Variants in SAMD5 observed in about 807,000 individuals in gnomAD.
SAMD5 encodes sterile alpha motif domain-containing protein 5.
In SAMD5, 13 loss-of-function variants were observed where a neutral mutation model predicts 11.3. The observed-to-expected ratio is 1.15, with a 90% CI of 0.75 to 1.83. SAMD5 has a LOEUF of 1.83. Among genes scored for constraint, SAMD5 ranks in the 40% most tolerant of loss-of-function variants. The pLI, the probability that SAMD5 is intolerant of heterozygous loss-of-function variation, is 0.00. For missense variants in SAMD5, 255 were observed against 239.1 expected (o/e 1.07, Z -0.44); for synonymous variants, 129 against 111.3 (o/e 1.16, Z -1.00).
At chr6:147,810,253 A>G in the SAMD5 span, among the ~76,000 whole-genome samples, 6,928 of 152,282 alleles carry the variant, frequency 0.045, 184 homozygotes, top group African/African-American at 0.062. Context: ...TAGTATCAGT[A>G]TCTTTATCAT....
At chr6:147,725,422 T>C (rs538695133) in intron 1 of SAMD5, among the ~76,000 whole-genome samples, 1 of 147,966 alleles carries the variant, frequency 6.8e-6, no homozygotes, top group East Asian at 2.0e-4. Flanking sequence ...CGAGTCTAGC[T>C]CTGTCACCCA....
At chr6:147,710,823 T>C (rs1032765638) in intron 1 of SAMD5, among the ~76,000 whole-genome samples, 2 of 142,896 alleles carry the variant, frequency 1.4e-5, no homozygotes, top group African/African-American at 2.6e-5. Context: ...GTATCCCCCC[T>C]GGATAAGGGG....
chr6:147,554,864 T>C (rs1012218725), intron 1 of SAMD5, among the ~76,000 whole-genome samples: 4 of 152,170 alleles, frequency 2.6e-5, no homozygotes, highest in African/African-American at 9.7e-5. Context: ...AGAGCAGTAG[T>C]TCTCAAAGTG....
the SAMD5 span, among the ~76,000 whole-genome samples, chr6:147,878,734 A>G: frequency 6.6e-6 from 1 of 151,442 alleles, no homozygotes; most frequent in Non-Finnish European, 1.5e-5. Context: ...ATCTATATAT[A>G]GGTCCTATTT....
chr6:147,749,228 G>C, the SAMD5 span, among the ~76,000 whole-genome samples: 1 of 150,272 alleles, frequency 6.7e-6, no homozygotes, highest in African/African-American at 2.5e-5. Context: ...GGAGTACAGT[G>C]GTGTGATCTT....
chr6:147,625,792 G>A (rs1354738892), intron 1 of SAMD5, among the ~76,000 whole-genome samples: 1 of 152,188 alleles, frequency 6.6e-6, no homozygotes, highest in Admixed American at 6.5e-5. Flanking sequence ...TTACTATCTG[G>A]TTCTTTAGAG....
intron 1 of SAMD5, among the ~76,000 whole-genome samples, chr6:147,597,580 G>A (rs913770413): frequency 6.6e-6 from 1 of 152,076 alleles, no homozygotes; most frequent in Non-Finnish European, 1.5e-5. Flanking sequence ...ATTAAACATG[G>A]CAGTTGAAAA....
At chr6:147,552,130 T>C (rs1056288585) in intron 1 of SAMD5, among the ~76,000 whole-genome samples, 5 of 152,208 alleles carry the variant, frequency 3.3e-5, no homozygotes, top group African/African-American at 9.6e-5. Flanking sequence ...AGGGATTATC[T>C]GTGTTCTTTG....
chr6:147,683,941 C>T (rs1790974098), intron 1 of SAMD5, among the ~76,000 whole-genome samples: 6 of 152,102 alleles, frequency 3.9e-5, no homozygotes, highest in Admixed American at 3.9e-4. Context: ...TTATTCTTTG[C>T]TTTAATTTTT....
chr6:147,648,622 A>C (rs887058358), intron 1 of SAMD5, among the ~76,000 whole-genome samples: 1 of 152,200 alleles, frequency 6.6e-6, no homozygotes, highest in African/African-American at 2.4e-5. Context: ...AAAACTCTGA[A>C]AGAGATATAA....
the SAMD5 span, among the ~76,000 whole-genome samples, chr6:147,816,281 C>CAAAAAAAAAAAA: frequency 3.6e-5 from 1 of 27,838 alleles, no homozygotes; most frequent in African/African-American, 1.6e-4. Flanking sequence ...ACTCCGTCTC[C>CAAAAAAAAAAAA]AAAAAAAAAA....
the SAMD5 span, among the ~76,000 whole-genome samples, chr6:147,865,313 A>AGTGTGT: frequency 6.8e-5 from 10 of 147,280 alleles, no homozygotes; most frequent in East Asian, 1.6e-3. Flanking sequence ...TAGGTATATA[A>AGTGTGT]GTGTGTGTGT....
chr6:147,800,134 GGA>G, the SAMD5 span, among the ~76,000 whole-genome samples: 1 of 152,328 alleles, frequency 6.6e-6, no homozygotes, highest in African/African-American at 2.4e-5. Flanking sequence ...CTTTGGAGGA[GGA>G]GAGGCACTCT....
At chr6:147,907,536 T>C in the SAMD5 span, among the ~76,000 whole-genome samples, 1 of 152,248 alleles carries the variant, frequency 6.6e-6, no homozygotes, top group Non-Finnish European at 1.5e-5. Flanking sequence ...GGCACTGTGC[T>C]TGGTAGGTGA....
At chr6:147,837,194 C>G in the SAMD5 span, among the ~76,000 whole-genome samples, 1 of 152,074 alleles carries the variant, frequency 6.6e-6, no homozygotes, top group Non-Finnish European at 1.5e-5. Context: ...GTGGTCCACT[C>G]AGTGTCTGCT....
chr6:147,764,892 G>T, the SAMD5 span, among the ~76,000 whole-genome samples: 1 of 151,970 alleles, frequency 6.6e-6, no homozygotes, highest in Non-Finnish European at 1.5e-5. Context: ...TTGCACTTTT[G>T]CCTTCTCTTT....
the SAMD5 span, among the ~76,000 whole-genome samples, chr6:147,830,251 CTTTT>C: frequency 0.034 from 2,860 of 84,672 alleles, 11 homozygotes; most frequent in African/African-American, 0.056. Flanking sequence ...TTCTTTCTTT[CTTTT>C]TTTTTTTTTT....
At chr6:147,738,235 A>G (rs1367633467), downstream of SAMD5, among the ~76,000 whole-genome samples, 1 of 152,178 alleles carries the variant, frequency 6.6e-6, no homozygotes, top group Non-Finnish European at 1.5e-5. Context: ...CTGCATGTCT[A>G]GTTCCGATGT....
chr6:147,908,050 T>C, the SAMD5 span, among the ~76,000 whole-genome samples: 359 of 152,352 alleles, frequency 2.4e-3, 3 homozygotes, highest in Non-Finnish European at 3.7e-3. Context: ...AACTCTGTTT[T>C]CTTCATTGTT....
Sources: allele counts gnomAD v4.1 joint callset (sites outside exome capture counted in the v4.1 genomes callset), GRCh38; gene constraint gnomAD v4.1.1; transcripts MANE v1.5; gene names NCBI Gene and HGNC (gene_info 2026-07-23, HGNC 2026-07-21).